The following TOX3 variants were observed in gnomAD, a reference collection of about 807,000 sequenced individuals.
The protein encoded by TOX3 is CAG trinucleotide repeat-containing gene F9 protein.
A neutral mutation model predicts 64.3 loss-of-function variants in TOX3; 22 were observed. The observed-to-expected ratio is 0.34, with a 90% confidence interval of 0.24 to 0.49. The LOEUF (loss-of-function observed/expected upper bound fraction) is 0.49. TOX3 is among the 20% of genes least tolerant of loss of function. The pLI is 0.99. For missense variants in TOX3, 661 were observed against 714.4 expected, an observed-to-expected ratio of 0.93 and a Z score of 0.85; for synonymous variants, 291 against 273.6, an observed-to-expected ratio of 1.06 and a Z score of -0.63.
At chr16:52,545,671 A>AG (rs1229344930) in intron 1 of TOX3, among the ~76,000 whole-genome samples, 8 of 152,340 alleles carry the variant, frequency 5.3e-5, no homozygotes, top group African/African-American at 1.9e-4. Flanking sequence ...CAAAAGGCAC[A>AG]GGCCATTCAG....
At chr16:52,540,453 C>T (rs997815863) in intron 1 of TOX3, among the ~76,000 whole-genome samples, 6 of 152,034 alleles carry the variant, frequency 3.9e-5, no homozygotes, top group Admixed American at 6.5e-5. Flanking sequence ...TTGCAGACAC[C>T]GTTGACTTTC....
chr16:52,445,901 AT>A, intron 5 of TOX3, 92 bp downstream of exon 5: 1 of 1,172,204 alleles, frequency 8.5e-7, no homozygotes, highest in Non-Finnish European at 1.2e-6. Flanking sequence ...AAGCAATCAT[AT>A]TAAGTGAACA....
intron 1 of TOX3, among the ~76,000 whole-genome samples, chr16:52,522,744 G>A (rs913785975): frequency 4.6e-5 from 7 of 152,202 alleles, no homozygotes; most frequent in South Asian, 2.1e-4. Flanking sequence ...CTGTGCAGAT[G>A]GTTCCCAAGT....
intron 6 of TOX3, among the ~76,000 whole-genome samples, chr16:52,441,236 G>A (rs1959975203): frequency 6.6e-6 from 1 of 152,166 alleles, no homozygotes; most frequent in Non-Finnish European, 1.5e-5. Flanking sequence ...CCTGTGTTGT[G>A]TGATTATTTA....
chr16:52,463,889 G>C, intron 3 of TOX3, 45 bp downstream of exon 3: 1 of 1,484,304 alleles, frequency 6.7e-7, no homozygotes, highest in Non-Finnish European at 9.0e-7. Context: ...ACTATGATTT[G>C]TGCAAATGAT....
At chr16:52,533,773 G>A (rs576920335) in intron 1 of TOX3, among the ~76,000 whole-genome samples, 5 of 152,150 alleles carry the variant, frequency 3.3e-5, no homozygotes, top group East Asian at 1.9e-4. Context: ...CACTCAAAGC[G>A]AAGACTGGAA....
chr16:52,438,849 G>T lies in TOX3; in HGVS notation c.*376C>A. The T allele has an allele frequency of 4.1e-6, 2 of 492,340 alleles. No individual in the cohort carries two copies. The highest frequency in any genetic ancestry group is 7.9e-6 in the Non-Finnish European group (2 of 251,584). 30.5% of individuals were successfully genotyped at this position (492,340 alleles called of 1,614,324 possible). A position where few individuals can be genotyped will look rare whatever the true frequency, so the allele number is the denominator to read the frequency against. ...GGAGTTCAGATAGCCTGGAAGTGTG[G>T]TTTACTCACTTCTGGAGAAATAAGG... On this transcript the variant is annotated 3_prime_UTR_variant, in exon 7 of 7. Transcript: ENST00000219746.
chr16:52,468,832 T>C (rs983841787), intron 1 of TOX3, among the ~76,000 whole-genome samples: 14 of 152,196 alleles, frequency 9.2e-5, no homozygotes, highest in Admixed American at 9.2e-4. Context: ...TTACAAACAT[T>C]AAGCCAACTG....
chr16:52,455,512 A>C (rs540819199), intron 3 of TOX3, among the ~76,000 whole-genome samples: 1 of 152,302 alleles, frequency 6.6e-6, no homozygotes, highest in South Asian at 2.1e-4. Flanking sequence ...GAATGTTCAA[A>C]GCTTATATTC....
At chr16:52,519,627 G>A in intron 1 of TOX3, 1 of 1,395,586 alleles carries the variant, frequency 7.2e-7, no homozygotes, top group Non-Finnish European at 9.3e-7. Flanking sequence ...TCAGCTATTT[G>A]TCACACTGAG....
In TOX3 at chr16:52,450,400, C is replaced by G. The variant is rs770149446; in HGVS notation, c.555G>C (p.Gln185His). The change falls in exon 4 of 7, where the codon CAG becomes CAC. Residue 185 changes from glutamine (Q) to histidine (H), a missense_variant. Transcript: ENST00000219746. ...TGGCACCTCCCAAATTCAACCCCAA[C>G]TGGGCGCTGAGCTGAGACTGGTTGA... is the stretch of plus-strand genomic sequence containing the variant. ...TTINQSQLSA[Q>H]LGLNLGGASM... 7.4e-6 allele frequency: 12 copies of G among 1,613,896 alleles called. No individual in the cohort carries two copies. In the African/African-American group the frequency reaches 1.6e-4, roughly 22 times the overall value.
intron 1 of TOX3, among the ~76,000 whole-genome samples, chr16:52,499,759 A>G (rs1961952803): frequency 6.6e-6 from 1 of 152,232 alleles, no homozygotes; most frequent in Non-Finnish European, 1.5e-5. Flanking sequence ...CTATGGCTTC[A>G]AACACATACC....
At chr16:52,510,778 A>AAAAAAC (rs574634087) in intron 1 of TOX3, among the ~76,000 whole-genome samples, 1 of 115,142 alleles carries the variant, frequency 8.7e-6, no homozygotes, top group Non-Finnish European at 1.7e-5. Flanking sequence ...AAAAAAAAAA[A>AAAAAAC]AAGAAGAAGA....
At position 52,439,308 on chromosome 16, in the gene TOX3, G is replaced by A; in HGVS notation, c.1648C>T (p.Pro550Ser). The change falls in exon 7 of 7, where the codon CCC becomes TCC. Residue 550 changes from proline to serine, a missense_variant. Around this residue, in one of 3 missense-constraint regions of TOX3, gnomAD observed 299 missense variants for 292.1 expected, o/e 1.02. Transcript: ENST00000219746. The part of the protein sequence containing the change: ...ITSPIPAIGS[P>S]QPASQQHQSQ... ...TGGTGCTGCTGAGAGGCTGGCTGGGGGCTCCCGATGGCAGGGATGGGGGAT... is the reference window on the plus strand; with the variant it reads ...TGGTGCTGCTGAGAGGCTGGCTGGGAGCTCCCGATGGCAGGGATGGGGGAT... 3 of 1,613,906 alleles carry A rather than the reference G, an allele frequency of 1.9e-6. No homozygotes were observed. Among genetic ancestry groups the A allele is most frequent in the Non-Finnish European group, 2.5e-6 (3 of 1,179,878 alleles).
chr16:52,453,505 TTCCATC>T, intron 3 of TOX3, among the ~76,000 whole-genome samples: 1 of 152,288 alleles, frequency 6.6e-6, no homozygotes, highest in African/African-American at 2.4e-5. Context: ...TTAAAAATCT[TTCCATC>T]TTATTTAAAT....
At chr16:52,536,908 TTA>T (rs201248975) in intron 1 of TOX3, among the ~76,000 whole-genome samples, 1 of 151,158 alleles carries the variant, frequency 6.6e-6, no homozygotes. Flanking sequence ...TTTACATATT[TTA>T]TATATATATG....
chr16:52,535,525 G>A (rs1962928309), intron 1 of TOX3, among the ~76,000 whole-genome samples: 2 of 152,190 alleles, frequency 1.3e-5, no homozygotes, highest in African/African-American at 4.8e-5. Flanking sequence ...GCTCTTCAGT[G>A]TTTAAGAAGC....
intron 1 of TOX3, among the ~76,000 whole-genome samples, chr16:52,520,434 T>C (rs1406718597): frequency 6.6e-6 from 1 of 152,204 alleles, no homozygotes; most frequent in African/African-American, 2.4e-5. Flanking sequence ...TTAGGTGTTA[T>C]GTTTGTTCTG....
At position 52,439,622 on chromosome 16, in the gene TOX3, A is replaced by ATCT. The variant is rs763634129; in HGVS notation, c.1333_1334insAGA (p.Leu445delinsTer). 2 of 1,612,356 alleles carry ATCT rather than the reference A, an allele frequency of 1.2e-6. No individual in the cohort carries two copies. Among genetic ancestry groups the ATCT allele is most frequent in the Non-Finnish European group, 1.7e-6 (2 of 1,178,790 alleles). ...TTGTTGCTGCTGCTGCTGCTGCTGC[A>ATCT]ATTGCATCTGATGCTGCTGGGTTTG... On this transcript the variant is annotated stop_gained, in exon 7 of 7. Coordinates refer to ENST00000219746, the MANE Select transcript of TOX3 (RefSeq NM_001080430.4). LOFTEE classifies it high-confidence loss of function.
Sources: allele counts gnomAD v4.1 joint callset (sites outside exome capture counted in the v4.1 genomes callset), GRCh38; gene constraint gnomAD v4.1.1; regional missense constraint gnomAD v4.1.1; transcripts MANE v1.5; gene names NCBI Gene and HGNC (gene_info 2026-07-23, HGNC 2026-07-21).